EPHA5: variants seen among roughly 807,000 people sequenced by gnomAD.
EPHA5 encodes ephrin type-A receptor 5.
EPHA5 carries 60 observed loss-of-function variants against 105.0 expected under a neutral mutation model. The observed-to-expected ratio is 0.57, with a 90% CI of 0.46 to 0.71. The LOEUF is 0.71. Ranked by LOEUF, EPHA5 falls within the 30% of genes least tolerant of loss-of-function variation. The pLI is 0.00. For synonymous variants in EPHA5, 513 were observed against 449.1 expected, an observed-to-expected ratio of 1.14 and a Z score of -1.80; for missense variants, 1,218 against 1,274.7, an observed-to-expected ratio of 0.96 and a Z score of 0.68.
At position 65,495,488 on chromosome 4, in the gene EPHA5, A is replaced by G. The variant is rs751422430; in HGVS notation, c.966T>C (p.Cys322=). The change falls in exon 4 of 17, where the codon TGT becomes TGC. Residue 322 remains cysteine (C), a synonymous_variant. Transcript: ENST00000613740. ...ASPHIQSCGK[C]PPHSYTHEEA... is the part of the protein sequence containing the mutation. ...CCTCATGGGTATAACTGTGAGGTGGACATTTGCCGCAGCTCTGGATGTGAG... is the reference window on the plus strand; with the variant it reads ...CCTCATGGGTATAACTGTGAGGTGGGCATTTGCCGCAGCTCTGGATGTGAG... The G allele has an allele frequency of 1.2e-5, 19 of 1,613,782 alleles. No homozygotes were observed. Among genetic ancestry groups the G allele is most frequent in the Non-Finnish European group, 1.4e-5 (17 of 1,179,824 alleles).
chr4:65,596,464 AAAAC>A (rs199851509), intron 3 of EPHA5, among the ~76,000 whole-genome samples: 2,638 of 152,252 alleles, frequency 0.017, 32 homozygotes, highest in Non-Finnish European at 0.025. Flanking sequence ...TGATTTAGAA[AAAAC>A]AAACAAACAA....
At chr4:65,381,054 C>G (rs540687553) in intron 8 of EPHA5, among the ~76,000 whole-genome samples, 9 of 151,626 alleles carry the variant, frequency 5.9e-5, no homozygotes, top group Non-Finnish European at 1.2e-4. Context: ...TCATATATGT[C>G]AAGCTCTCTG....
chr4:65,487,312 T>A (rs13139227), intron 5 of EPHA5, among the ~76,000 whole-genome samples: 1 of 151,534 alleles, frequency 6.6e-6, no homozygotes, highest in Non-Finnish European at 1.5e-5. Context: ...GAACTAACTT[T>A]GGGGGGAATT....
chr4:65,324,747 T>C (rs953151122), intron 16 of EPHA5, among the ~76,000 whole-genome samples: 3 of 149,430 alleles, frequency 2.0e-5, no homozygotes, highest in African/African-American at 7.4e-5. Flanking sequence ...TTTTACTTTT[T>C]TTTTTTTTTT....
intron 10 of EPHA5, among the ~76,000 whole-genome samples, chr4:65,365,626 T>A (rs887009763): frequency 7.5e-6 from 1 of 133,374 alleles, no homozygotes; most frequent in African/African-American, 2.6e-5. Flanking sequence ...ATTACATAAA[T>A]ACTTTTGGGT....
chr4:65,636,482 A>G (rs1426904119), intron 2 of EPHA5, among the ~76,000 whole-genome samples: 1 of 152,118 alleles, frequency 6.6e-6, no homozygotes. Context: ...AAGTAAATGC[A>G]AAGCCTTGGG....
At chr4:65,616,094 C>T (rs775472566) in intron 2 of EPHA5, among the ~76,000 whole-genome samples, 8 of 151,660 alleles carry the variant, frequency 5.3e-5, no homozygotes, top group African/African-American at 7.3e-5. Context: ...TCATGGAATA[C>T]GACTCAACAA....
At chr4:65,406,725 T>C (rs1458580733) in intron 7 of EPHA5, among the ~76,000 whole-genome samples, 1 of 152,170 alleles carries the variant, frequency 6.6e-6, no homozygotes, top group Non-Finnish European at 1.5e-5. Flanking sequence ...TTTCATTTTT[T>C]TAGAACAAAC....
chr4:65,374,713 A>T lies in EPHA5; in HGVS notation c.1794-7289T>A, dbSNP rs529737510. Among the ~76,000 whole-genome samples, 6 of 152,100 alleles carry T rather than the reference A, an allele frequency of 3.9e-5. No homozygotes were observed. In the East Asian group the frequency reaches 1.2e-3, roughly 29 times the overall value. ...GTCAAAACTAACCACATATATATTC[A>T]TGAGTGATCTTTCAAGACACGAAAA... On this transcript the variant is annotated intron_variant, in intron 8 of 16. Coordinates refer to ENST00000613740, the MANE Select transcript of EPHA5 (RefSeq NM_001281766.3).
intron 3 of EPHA5, among the ~76,000 whole-genome samples, chr4:65,521,292 C>T (rs1734686373): frequency 6.6e-6 from 1 of 152,068 alleles, no homozygotes; most frequent in African/African-American, 2.4e-5. Context: ...CCAAACACAG[C>T]ATGTTCTCAC....
chr4:65,332,835 T>C (rs1479765473), intron 15 of EPHA5, among the ~76,000 whole-genome samples: 2 of 151,944 alleles, frequency 1.3e-5, no homozygotes, highest in African/African-American at 2.4e-5. Flanking sequence ...AGCCAATCGA[T>C]TTTTCCTAGA....
intron 1 of EPHA5, among the ~76,000 whole-genome samples, chr4:65,650,233 C>G (rs551671881): frequency 4.6e-5 from 7 of 152,112 alleles, no homozygotes; most frequent in African/African-American, 1.4e-4. Context: ...TTCCCTAGTT[C>G]AACGAGTGCA....
At position 65,346,174 on chromosome 4, in the gene EPHA5, A is replaced by G. The variant is rs1722211342; in HGVS notation, c.2595+1880T>C. 3.3e-5 allele frequency among the ~76,000 whole-genome samples: 5 copies of G among 150,810 alleles called. No individual in the cohort carries two copies. In the South Asian group the frequency reaches 1.0e-3, roughly 31 times the overall value. ...TGGCCATCTGCATTCCATCCAATGT[A>G]TCTTGCCAAATCTTATGCTTTGCCT... On this transcript the variant is annotated intron_variant, in intron 14 of 16. Coordinates refer to ENST00000613740, the MANE Select transcript of EPHA5 (RefSeq NM_001281766.3).
intron 3 of EPHA5, among the ~76,000 whole-genome samples, chr4:65,518,452 C>T (rs2149273648): frequency 6.6e-6 from 1 of 151,872 alleles, no homozygotes; most frequent in South Asian, 2.1e-4. Context: ...CACACAGTCT[C>T]TATATTTCCA....
chr4:65,649,330 G>A (rs1748394310), intron 1 of EPHA5, among the ~76,000 whole-genome samples: 1 of 152,030 alleles, frequency 6.6e-6, no homozygotes, highest in African/African-American at 2.4e-5. Flanking sequence ...CTATTTCCCT[G>A]GACATCCAAA....
At chr4:65,466,710 T>C (rs1426938270) in intron 5 of EPHA5, among the ~76,000 whole-genome samples, 2 of 152,204 alleles carry the variant, frequency 1.3e-5, no homozygotes, top group Non-Finnish European at 2.9e-5. Flanking sequence ...GATGATTAGA[T>C]GTGGGATGTG....
intron 5 of EPHA5, among the ~76,000 whole-genome samples, chr4:65,454,540 G>A (rs1727386972): frequency 6.6e-6 from 1 of 152,124 alleles, no homozygotes; most frequent in African/African-American, 2.4e-5. Context: ...AGATTCAACA[G>A]CTTCTAGAAT....
At chr4:65,482,984 A>G (rs1381309057) in intron 5 of EPHA5, among the ~76,000 whole-genome samples, 2 of 151,948 alleles carry the variant, frequency 1.3e-5, no homozygotes, top group Non-Finnish European at 2.9e-5. Flanking sequence ...TACATTAGGT[A>G]TATCTCCTAA....
intron 8 of EPHA5, among the ~76,000 whole-genome samples, chr4:65,382,201 A>G (rs1008823141): frequency 6.6e-6 from 1 of 151,760 alleles, no homozygotes; most frequent in African/African-American, 2.4e-5. Flanking sequence ...TCTTACTCTA[A>G]AAAAAACTAT....
Sources: gnomAD v4.1 joint callset for allele counts (sites outside exome capture counted in the v4.1 genomes callset) on GRCh38, gnomAD v4.1.1 for gene constraint, MANE v1.5 for transcripts, NCBI Gene and HGNC (gene_info 2026-07-23, HGNC 2026-07-21) for gene names.